Variants in ARHGAP15 observed in about 807,000 individuals in gnomAD.
ARHGAP15 encodes rho GTPase-activating protein 15.
Under a neutral mutation model 63.7 loss-of-function variants are expected in ARHGAP15, and 51 were observed. That is an observed-to-expected ratio of 0.80 (90% CI 0.64 to 1.01). The LOEUF is 1.01. Among genes scored for constraint, ARHGAP15 ranks in the 50% least tolerant of loss-of-function variants. The pLI is 0.00. For synonymous variants in ARHGAP15, 191 were observed against 193.8 expected, an observed-to-expected ratio of 0.99 and a Z score of 0.12; for missense variants, 560 against 564.6, an observed-to-expected ratio of 0.99 and a Z score of 0.08.
chr2:143,169,188 G>A (rs1357366082), intron 2 of ARHGAP15, among the ~76,000 whole-genome samples: 1 of 151,972 alleles, frequency 6.6e-6, no homozygotes, highest in Non-Finnish European at 1.5e-5. Flanking sequence ...ATTTGTATTT[G>A]TGACATGTCT....
At chr2:143,691,386 G>A (rs528873669) in intron 12 of ARHGAP15, among the ~76,000 whole-genome samples, 3 of 152,218 alleles carry the variant, frequency 2.0e-5, no homozygotes, top group East Asian at 1.9e-4. Flanking sequence ...CTTAACGCAC[G>A]GCTAAGCAAA....
At chr2:143,232,604 A>G (rs908211632) in intron 5 of ARHGAP15, among the ~76,000 whole-genome samples, 3 of 152,192 alleles carry the variant, frequency 2.0e-5, no homozygotes, top group African/African-American at 7.2e-5. Context: ...CACCTGCATA[A>G]GCACTACCCA....
intron 10 of ARHGAP15, among the ~76,000 whole-genome samples, chr2:143,531,417 T>A (rs1266445305): frequency 1.3e-5 from 2 of 152,204 alleles, no homozygotes; most frequent in Non-Finnish European, 2.9e-5. Flanking sequence ...GATGTAAATT[T>A]ATCTCTGTCC....
chr2:143,603,885 CTCT>C (rs1697877642), intron 11 of ARHGAP15, among the ~76,000 whole-genome samples: 1 of 152,118 alleles, frequency 6.6e-6, no homozygotes, highest in East Asian at 1.9e-4. Context: ...GAATAAACTC[CTCT>C]TCTTCCTTTC....
chr2:143,273,722 C>A (rs1246270470), intron 6 of ARHGAP15, among the ~76,000 whole-genome samples: 1 of 152,050 alleles, frequency 6.6e-6, no homozygotes, highest in African/African-American at 2.4e-5. Flanking sequence ...TTCTGCTAAT[C>A]TTACTTTGTA....
chr2:143,297,073 C>T (rs184087037), intron 6 of ARHGAP15, among the ~76,000 whole-genome samples: 3 of 151,994 alleles, frequency 2.0e-5, no homozygotes, highest in Admixed American at 6.6e-5. Context: ...AAAGGTACCC[C>T]AGTATCTTCC....
chr2:143,655,823 A>G (rs1202876795), intron 12 of ARHGAP15, among the ~76,000 whole-genome samples: 1 of 151,604 alleles, frequency 6.6e-6, no homozygotes, highest in African/African-American at 2.4e-5. Context: ...CACCTTAACA[A>G]GTGATGCCAA....
chr2:143,158,622 G>C (rs954273339), intron 2 of ARHGAP15, among the ~76,000 whole-genome samples: 1 of 151,934 alleles, frequency 6.6e-6, no homozygotes, highest in Non-Finnish European at 1.5e-5. Flanking sequence ...TTTCGAGAGG[G>C]GGAAGTGGTT....
chr2:143,423,854 A>G (rs1170474204), intron 6 of ARHGAP15, among the ~76,000 whole-genome samples: 4 of 152,154 alleles, frequency 2.6e-5, no homozygotes, highest in African/African-American at 9.7e-5. Context: ...CTCAGGTTAT[A>G]GGTGAGAATA....
At chr2:143,257,188 C>A (rs1057067742) in intron 6 of ARHGAP15, among the ~76,000 whole-genome samples, 1 of 152,002 alleles carries the variant, frequency 6.6e-6, no homozygotes, top group East Asian at 1.9e-4. Context: ...TGCTCATTTG[C>A]ACACCTTCAT....
intron 12 of ARHGAP15, among the ~76,000 whole-genome samples, chr2:143,651,113 ATAAAAATCAGGGAGCATT>A (rs1287845708): frequency 1.3e-5 from 2 of 152,046 alleles, no homozygotes; most frequent in African/African-American, 4.8e-5. Flanking sequence ...CTTACCCAGA[ATAAAAATCAGGGAGCATT>A]TAAATTTGTT....
chr2:143,283,684 T>C (rs1458348963), intron 6 of ARHGAP15, among the ~76,000 whole-genome samples: 2 of 152,186 alleles, frequency 1.3e-5, no homozygotes, highest in Non-Finnish European at 2.9e-5. Flanking sequence ...ATTTGATGCA[T>C]ACCTTTCTTT....
chr2:143,566,527 T>C (rs1459019753), intron 11 of ARHGAP15, among the ~76,000 whole-genome samples: 10 of 152,078 alleles, frequency 6.6e-5, no homozygotes, highest in Non-Finnish European at 4.4e-5. Context: ...CAATGTGAAT[T>C]AGTGGGAAAA....
At chr2:143,229,930 A>C (rs181368998) in intron 5 of ARHGAP15, among the ~76,000 whole-genome samples, 167 of 152,302 alleles carry the variant, frequency 1.1e-3, no homozygotes, top group Non-Finnish European at 1.4e-3. Context: ...ATTATGAATA[A>C]ATTAAAAATA....
rs1329829532 is a variant in ARHGAP15 at position 143,178,321 on chromosome 2, C to A, written c.165+22666C>A. Among the ~76,000 whole-genome samples, 3 of 152,034 alleles carry A rather than the reference C, an allele frequency of 2.0e-5. No homozygotes were observed. In the East Asian group the frequency reaches 5.8e-4, roughly 29 times the overall value. On this transcript the variant is annotated intron_variant, in intron 2 of 13. Transcript: ENST00000295095. ...TTTCAATGAGAAATACAAAAGTATT[C>A]AATTTTAGGCATTCATGAACTCCAT... is the stretch of plus-strand genomic sequence containing the variant.
intron 13 of ARHGAP15, among the ~76,000 whole-genome samples, chr2:143,731,210 G>T (rs557969530): frequency 1.3e-5 from 2 of 152,222 alleles, no homozygotes; most frequent in African/African-American, 4.8e-5. Context: ...ACTTTAAATT[G>T]TGGAAAGAAA....
chr2:143,582,298 G>A (rs914070679), intron 11 of ARHGAP15, among the ~76,000 whole-genome samples: 1 of 152,124 alleles, frequency 6.6e-6, no homozygotes, highest in Non-Finnish European at 1.5e-5. Context: ...GATCTCTGTC[G>A]GTTAGTGGAT....
At chr2:143,563,612 T>G (rs1696111244) in intron 11 of ARHGAP15, among the ~76,000 whole-genome samples, 1 of 152,224 alleles carries the variant, frequency 6.6e-6, no homozygotes, top group African/African-American at 2.4e-5. Flanking sequence ...CATATAGACT[T>G]GACTACTGAG....
At chr2:143,212,541 C>T (rs191085595) in intron 3 of ARHGAP15, among the ~76,000 whole-genome samples, 6 of 152,218 alleles carry the variant, frequency 3.9e-5, no homozygotes, top group Admixed American at 6.5e-5. Context: ...TCAATTTGGC[C>T]TAGAATTTGG....
Sources: allele counts gnomAD v4.1 joint callset (sites outside exome capture counted in the v4.1 genomes callset), GRCh38; gene constraint gnomAD v4.1.1; transcripts MANE v1.5; gene names NCBI Gene and HGNC (gene_info 2026-07-23, HGNC 2026-07-21).